The following TMEM108 variants were observed in gnomAD, a reference collection of about 807,000 sequenced individuals.
TMEM108 encodes cancer/testis antigen 124.
TMEM108 carries 12 observed loss-of-function variants against 35.1 expected under a neutral mutation model. That is an observed-to-expected ratio of 0.34 (90% confidence interval 0.22 to 0.55). The LOEUF is 0.55. TMEM108 is among the 20% of genes least tolerant of loss of function. The pLI is 0.89. For synonymous variants in TMEM108, 287 were observed against 308.6 expected, an observed-to-expected ratio of 0.93 and a Z score of 0.73; for missense variants, 680 against 753.3, an observed-to-expected ratio of 0.90 and a Z score of 1.14.
intron 2 of TMEM108, among the ~76,000 whole-genome samples, chr3:133,075,976 G>A (rs1485499912): frequency 1.3e-5 from 2 of 152,108 alleles, no homozygotes; most frequent in African/African-American, 4.8e-5. Context: ...AGATTGCTAG[G>A]TAAGGGGTCA....
rs564377830 is a variant in TMEM108, at chr3:133,293,984, CA to C, written c.40+64636del. Among the ~76,000 whole-genome samples the C allele has an allele frequency of 6.6e-5, 10 of 152,248 alleles. No homozygotes were observed. In the South Asian group the frequency reaches 2.1e-3, roughly 32 times the overall value. On this transcript the variant is annotated intron_variant, in intron 3 of 5. Coordinates refer to ENST00000321871, the MANE Select transcript of TMEM108 (RefSeq NM_023943.4). ...AAACTGGAACACTGCCATCCTTTGCCAAAGATAGACCAGGCTACTGTGCAGA... is the reference window on the plus strand; with the variant it reads ...AAACTGGAACACTGCCATCCTTTGCCAAGATAGACCAGGCTACTGTGCAGA...
chr3:133,388,604 A>G, intron 4 of TMEM108: 1 of 985,432 alleles, frequency 1.0e-6, no homozygotes, highest in Non-Finnish European at 1.2e-6. Context: ...AGATTTTTTA[A>G]AAAGGATCTA....
chr3:133,394,952 T>C (rs954615667), intron 5 of TMEM108, among the ~76,000 whole-genome samples: 1 of 152,256 alleles, frequency 6.6e-6, no homozygotes, highest in Non-Finnish European at 1.5e-5. Flanking sequence ...TGTCCTGAAA[T>C]GGCTTGAAGG....
intron 2 of TMEM108, among the ~76,000 whole-genome samples, chr3:133,183,747 G>A (rs371071084): frequency 6.6e-6 from 1 of 152,120 alleles, no homozygotes; most frequent in Non-Finnish European, 1.5e-5. Flanking sequence ...GGCCCTTCAA[G>A]CCCAGGTGAA....
chr3:133,258,676 A>G (rs938233), intron 3 of TMEM108, among the ~76,000 whole-genome samples: 147,010 of 152,270 alleles, frequency 0.97, 71,155 homozygotes, highest in East Asian at 1. Context: ...CATCCTCTTC[A>G]GACTGTATCC....
intron 3 of TMEM108, among the ~76,000 whole-genome samples, chr3:133,260,463 T>C (rs1351724731): frequency 2.0e-5 from 3 of 152,032 alleles, no homozygotes; most frequent in African/African-American, 7.2e-5. Flanking sequence ...TAGAAAAGAA[T>C]TTGCAGATAG....
chr3:133,043,770 G>C (rs1943302866), intron 1 of TMEM108, among the ~76,000 whole-genome samples: 1 of 151,742 alleles, frequency 6.6e-6, no homozygotes, highest in South Asian at 2.1e-4. Context: ...TACATGCTAG[G>C]AATTAAAAAA....
intron 3 of TMEM108, among the ~76,000 whole-genome samples, chr3:133,334,832 T>TAGAAAATTCAATTAGTAGA (rs1233138616): frequency 6.6e-6 from 1 of 152,226 alleles, no homozygotes; most frequent in Non-Finnish European, 1.5e-5. Context: ...TCAGGATAGT[T>TAGAAAATTCAATTAGTAGA]AGAAAATTCA....
rs995149349 is a variant in TMEM108 at position 133,396,708 on chromosome 3, C to T, written c.*722C>T. The T allele has an allele frequency of 3.3e-5, 5 of 152,188 alleles. No individual in the cohort carries two copies. Among genetic ancestry groups the T allele is most frequent in the African/African-American group, 1.2e-4 (5 of 41,436 alleles). 9.4% of individuals were successfully genotyped at this position (152,188 alleles called of 1,614,324 possible). A position where few individuals can be genotyped will look rare whatever the true frequency, so the allele number is the denominator to read the frequency against. On this transcript the variant is annotated 3_prime_UTR_variant, in exon 6 of 6. Coordinates refer to ENST00000321871, the MANE Select transcript of TMEM108 (RefSeq NM_023943.4). ...GAAAATGCTCCCTTTATGCCCATTC[C>T]TGTATCCCCTCCAACACCCACATCT... is the stretch of plus-strand genomic sequence containing the variant.
chr3:133,155,807 C>A (rs1944872925), intron 2 of TMEM108, among the ~76,000 whole-genome samples: 1 of 151,966 alleles, frequency 6.6e-6, no homozygotes, highest in Admixed American at 6.6e-5. Flanking sequence ...TCTGTTTATT[C>A]TGTTGATGGT....
At chr3:133,083,022 AG>A (rs1175954008) in intron 2 of TMEM108, among the ~76,000 whole-genome samples, 1 of 152,126 alleles carries the variant, frequency 6.6e-6, no homozygotes, top group African/African-American at 2.4e-5. Flanking sequence ...TTTTTCAAAA[AG>A]TTGCAATTTT....
chr3:133,067,906 GAA>G (rs887244856), intron 2 of TMEM108, among the ~76,000 whole-genome samples: 1 of 147,216 alleles, frequency 6.8e-6, no homozygotes. Flanking sequence ...CAGCAGCATA[GAA>G]AAAAAAAAGA....
chr3:133,097,763 G>A (rs1354039100), intron 2 of TMEM108, among the ~76,000 whole-genome samples: 2 of 152,170 alleles, frequency 1.3e-5, no homozygotes, highest in East Asian at 3.8e-4. Flanking sequence ...TGAGGATGAG[G>A]TCTATTAGTA....
At chr3:133,232,204 G>T (rs1056471128) in intron 3 of TMEM108, among the ~76,000 whole-genome samples, 1 of 152,090 alleles carries the variant, frequency 6.6e-6, no homozygotes, top group East Asian at 1.9e-4. Flanking sequence ...TTGGAGGTAG[G>T]GCTAAATGAG....
chr3:133,076,869 C>T (rs1442275428), intron 2 of TMEM108, among the ~76,000 whole-genome samples: 5 of 152,134 alleles, frequency 3.3e-5, no homozygotes, highest in Admixed American at 1.3e-4. Flanking sequence ...AGGTCACATA[C>T]GGGGATCCAG....
rs139519358 is a variant in TMEM108 at position 133,147,575 on chromosome 3, A to G, written c.-46-81691A>G. ...GTTCATGTCCTTTGCCCACTTTTTA[A>G]TGGGGTTGTTTGTTTTTTGCTTGTA... On this transcript the variant is annotated intron_variant, in intron 2 of 5. Coordinates refer to ENST00000321871, the MANE Select transcript of TMEM108 (RefSeq NM_023943.4). 4.9e-3 allele frequency among the ~76,000 whole-genome samples: 752 copies of G among 152,212 alleles called. 6 individuals carry two copies. Among genetic ancestry groups the G allele is most frequent in the African/African-American group, 0.017 (700 of 41,562 alleles).
intron 2 of TMEM108, among the ~76,000 whole-genome samples, chr3:133,220,227 G>T (rs114169013): frequency 0.012 from 1,891 of 151,944 alleles, 15 homozygotes; most frequent in South Asian, 0.024. Flanking sequence ...AAGGTGAAAT[G>T]AGTCTCTTGT....
intron 1 of TMEM108, among the ~76,000 whole-genome samples, chr3:133,042,083 A>T (rs1390263144): frequency 6.6e-6 from 1 of 152,194 alleles, no homozygotes; most frequent in Non-Finnish European, 1.5e-5. Context: ...TAATGATGTT[A>T]TTAGTCAGGG....
At chr3:133,359,152 T>A (rs983752779) in intron 3 of TMEM108, among the ~76,000 whole-genome samples, 1 of 152,230 alleles carries the variant, frequency 6.6e-6, no homozygotes, top group African/African-American at 2.4e-5. Flanking sequence ...AGTAAAGTTG[T>A]TGACTCCCAT....
Sources: gnomAD v4.1 joint callset for allele counts (sites outside exome capture counted in the v4.1 genomes callset) on GRCh38, gnomAD v4.1.1 for gene constraint, MANE v1.5 for transcripts, NCBI Gene and HGNC (gene_info 2026-07-23, HGNC 2026-07-21) for gene names.